MCTP1: variants seen among roughly 807,000 people sequenced by gnomAD.
MCTP1 encodes multiple C2 and transmembrane domain containing 1.
In MCTP1, 69 loss-of-function variants were observed where a neutral mutation model predicts 120.6. That is an observed-to-expected ratio of 0.57 (90% CI 0.47 to 0.70). The LOEUF (loss-of-function observed/expected upper bound fraction) is 0.70, where lower values mean the gene tolerates loss of function less well. Among genes scored for constraint, MCTP1 ranks in the 30% least tolerant of loss-of-function variants. The probability of loss-of-function intolerance (pLI) is 0.00; values close to 1 mark genes in which losing one functional copy is unlikely to be tolerated. For synonymous variants in MCTP1, 529 were observed against 493.1 expected (o/e 1.07, Z -0.96); for missense variants, 1,203 against 1,248.8 (o/e 0.96, Z 0.55).
At chr5:94,870,560 T>G in intron 15 of MCTP1, 69 bp from the exon 16 acceptor site, 1 of 1,143,094 alleles carries the variant, frequency 8.7e-7, no homozygotes, top group East Asian at 2.3e-5. Context: ...TTCACGCAGT[T>G]CAATTTGCAA....
intron 1 of MCTP1, among the ~76,000 whole-genome samples, chr5:95,092,117 T>G (rs909054975): frequency 1.3e-5 from 2 of 152,248 alleles, no homozygotes; most frequent in Non-Finnish European, 2.9e-5. Flanking sequence ...ATACACCTAA[T>G]GAATTTGGTG....
intron 19 of MCTP1, among the ~76,000 whole-genome samples, chr5:94,721,421 C>G (rs1760861885): frequency 6.6e-6 from 1 of 152,138 alleles, no homozygotes; most frequent in Admixed American, 6.5e-5. Context: ...TTCGCTCATT[C>G]TTCATTTGCT....
intron 1 of MCTP1, among the ~76,000 whole-genome samples, chr5:95,071,231 G>A (rs140946055): frequency 6.6e-6 from 1 of 152,296 alleles, no homozygotes; most frequent in African/African-American, 2.4e-5. Flanking sequence ...CGGAGCCTGA[G>A]GCAGCACGTG....
intron 3 of MCTP1, among the ~76,000 whole-genome samples, chr5:94,949,165 A>ATTCC (rs1448457824): frequency 1.3e-5 from 2 of 152,182 alleles, no homozygotes; most frequent in African/African-American, 4.8e-5. Context: ...ATATAAATAT[A>ATTCC]TTCCCCTTTA....
intron 2 of MCTP1, among the ~76,000 whole-genome samples, chr5:94,955,167 G>A (rs553715178): frequency 3.3e-5 from 5 of 152,284 alleles, no homozygotes; most frequent in East Asian, 1.9e-4. Flanking sequence ...GCAAGGGTTC[G>A]GGGAACTCCT....
Position 94,909,367 on chromosome 5 carries a change from C to T in MCTP1, c.1536G>A (p.Thr512=), listed in dbSNP as rs558803716. ...QKYKSKIMPK[T]LNPQWREQFD... ...ATTGTTCCCTCCACTGAGGATTCAA[C>T]GTTTTTGGCATAATCTGGAAAAAAA... The change falls in exon 10 of 23, where the codon ACG becomes ACA. Residue 512 remains threonine, a synonymous_variant. Coordinates refer to ENST00000515393, the MANE Select transcript of MCTP1 (RefSeq NM_024717.7). 2.3e-5 allele frequency: 37 copies of T among 1,580,262 alleles called. No homozygotes were observed. In the Middle Eastern group the frequency reaches 5.0e-4, roughly 21 times the overall value.
At chr5:94,947,369 T>C (rs1819213765) in intron 3 of MCTP1, among the ~76,000 whole-genome samples, 1 of 151,726 alleles carries the variant, frequency 6.6e-6, no homozygotes, top group Admixed American at 6.6e-5. Flanking sequence ...GAGTATCTAA[T>C]TGGCACTCAT....
At chr5:95,111,410 A>G (rs1158056557) in intron 1 of MCTP1, among the ~76,000 whole-genome samples, 4 of 152,186 alleles carry the variant, frequency 2.6e-5, no homozygotes, top group African/African-American at 9.7e-5. Context: ...ATGAATAAGT[A>G]CAGAGTCTCA....
intron 1 of MCTP1, among the ~76,000 whole-genome samples, chr5:95,134,018 T>A (rs906241140): frequency 3.9e-5 from 6 of 152,206 alleles, no homozygotes; most frequent in African/African-American, 1.4e-4. Context: ...TAGTGCATGC[T>A]TGGCACGTAC....
intron 19 of MCTP1, among the ~76,000 whole-genome samples, chr5:94,760,426 C>T (rs1048724918): frequency 1.2e-4 from 19 of 152,146 alleles, no homozygotes; most frequent in African/African-American, 4.1e-4. Flanking sequence ...GCTGTATATT[C>T]GTTTATCATA....
Position 94,953,841 on chromosome 5 carries a change from A to G in MCTP1, c.839-480T>C, listed in dbSNP as rs1821313525. Reference sequence around the variant, plus strand: ...CAAATATATATATACATATATATATATACACAACTATATATATGCATATAT... The same window carrying G: ...CAAATATATATATACATATATATATGTACACAACTATATATATGCATATAT... On this transcript the variant is annotated intron_variant, in intron 2 of 22. Transcript: ENST00000515393. Among the ~76,000 whole-genome samples, 2 of 15,866 alleles carry G rather than the reference A, an allele frequency of 1.3e-4. 1 individual carries two copies. The highest frequency in any genetic ancestry group is 2.5e-3 in the South Asian group (2 of 802). The allele number at this position is 15,866 out of a possible 152,430, so 10.4% of individuals were successfully genotyped here.
intron 1 of MCTP1, among the ~76,000 whole-genome samples, chr5:95,028,341 T>C (rs1328297069): frequency 6.6e-6 from 1 of 152,204 alleles, no homozygotes; most frequent in Non-Finnish European, 1.5e-5. Context: ...AAAGCTTTAC[T>C]ATACTTTGTT....
intron 1 of MCTP1, among the ~76,000 whole-genome samples, chr5:95,240,279 C>T (rs1354750338): frequency 6.6e-6 from 1 of 152,158 alleles, no homozygotes; most frequent in East Asian, 1.9e-4. Flanking sequence ...TGCTTACCTG[C>T]ATTTAAAAGC....
At chr5:95,185,037 G>A (rs762506517) in intron 1 of MCTP1, among the ~76,000 whole-genome samples, 6 of 152,108 alleles carry the variant, frequency 3.9e-5, no homozygotes, top group East Asian at 1.9e-4. Flanking sequence ...TTGCACAGCC[G>A]GCTCTGCATG....
At chr5:95,120,316 C>T (rs933555325) in intron 1 of MCTP1, among the ~76,000 whole-genome samples, 2 of 151,662 alleles carry the variant, frequency 1.3e-5, no homozygotes, top group African/African-American at 4.8e-5. Flanking sequence ...AGAGGGAATA[C>T]TTCCAAAGTC....
At position 95,090,320 on chromosome 5, in the gene MCTP1, TA is replaced by T. The variant is rs199742218; in HGVS notation, c.721-72837del. On this transcript the variant is annotated intron_variant, in intron 1 of 22. Transcript: ENST00000515393. ...CTTTCTTTTTGGCCAATACTTCAAT[TA>T]AAAAAAATTGGTGCTAATTCTGTCA... is the stretch of plus-strand genomic sequence containing the variant. 6.1e-3 allele frequency among the ~76,000 whole-genome samples: 921 copies of T among 152,196 alleles called. 8 individuals carry two copies. The highest frequency in any genetic ancestry group is 0.021 in the African/African-American group (866 of 41,528).
intron 7 of MCTP1, among the ~76,000 whole-genome samples, chr5:94,919,402 TTAA>T (rs201812845): frequency 0.026 from 3,928 of 152,324 alleles, 63 homozygotes; most frequent in Middle Eastern, 0.044. Flanking sequence ...CGATTTAGAC[TTAA>T]TATGATACTA....
At chr5:95,148,627 G>A (rs1349664116) in intron 1 of MCTP1, among the ~76,000 whole-genome samples, 1 of 152,032 alleles carries the variant, frequency 6.6e-6, no homozygotes, top group Admixed American at 6.6e-5. Flanking sequence ...CCTTGGATTG[G>A]GTTTCAACTT....
At chr5:95,107,973 G>A (rs1266909676) in intron 1 of MCTP1, among the ~76,000 whole-genome samples, 1 of 152,162 alleles carries the variant, frequency 6.6e-6, no homozygotes, top group African/African-American at 2.4e-5. Context: ...AAGCCCAGCA[G>A]TCTCACCATT....
Sources: gnomAD v4.1 joint callset for allele counts (sites outside exome capture counted in the v4.1 genomes callset) on GRCh38, gnomAD v4.1.1 for gene constraint, MANE v1.5 for transcripts, NCBI Gene and HGNC (gene_info 2026-07-23, HGNC 2026-07-21) for gene names.